NPHP1: variants seen among roughly 807,000 people sequenced by gnomAD.
NPHP1 encodes the protein nephrocystin-1.
A neutral mutation model predicts 90.4 loss-of-function variants in NPHP1; 70 were observed. The ratio of observed to expected loss-of-function variants is 0.77; its 90% CI spans 0.64 to 0.95. NPHP1 has a LOEUF of 0.95. NPHP1 is among the 40% of genes least tolerant of loss of function. NPHP1 has a pLI of 0.00. For missense variants in NPHP1, 764 were observed against 795.9 expected (o/e 0.96, Z 0.48); for synonymous variants, 256 against 271.7 (o/e 0.94, Z 0.57).
At chr2:110,172,611 C>A (rs953416312) in intron 4 of NPHP1, among the ~76,000 whole-genome samples, 2 of 151,920 alleles carry the variant, frequency 1.3e-5, no homozygotes, top group African/African-American at 4.8e-5. Context: ...TGAGACCCTG[C>A]CTCTACAAAA....
intron 2 of NPHP1, among the ~76,000 whole-genome samples, chr2:110,191,466 G>A (rs1265028891): frequency 4.6e-5 from 7 of 152,208 alleles, no homozygotes; most frequent in Non-Finnish European, 8.8e-5. Flanking sequence ...GAGGCTGTTT[G>A]TTAGCCATTG....
At chr2:110,198,092 A>C (rs1262938918) in intron 2 of NPHP1, among the ~76,000 whole-genome samples, 1 of 152,142 alleles carries the variant, frequency 6.6e-6, no homozygotes, top group East Asian at 1.9e-4. Context: ...GAAGGAAAGA[A>C]GGACAACTAG....
intron 2 of NPHP1, among the ~76,000 whole-genome samples, chr2:110,187,292 A>T (rs1684358964): frequency 6.6e-6 from 1 of 152,154 alleles, no homozygotes; most frequent in South Asian, 2.1e-4. Context: ...TAAAGAAAAG[A>T]GAGAAGAATC....
In NPHP1 at chr2:110,144,480, A is replaced by G. The variant is rs750895212; in HGVS notation, c.1429+13T>C. On this transcript the variant is annotated intron_variant, in intron 15 of 19. Transcript: ENST00000445609. ...ATCTTTAAGGAAAGGAAGACAACAC[A>G]TGAGAGCCATACCTCTTCTGGATAT... 1 of 1,551,048 alleles carries G rather than the reference A, an allele frequency of 6.4e-7. No homozygotes were observed. The highest frequency in any genetic ancestry group is 8.9e-7 in the Non-Finnish European group (1 of 1,122,514).
chr2:110,138,845 G>A (rs1680414959), intron 16 of NPHP1, among the ~76,000 whole-genome samples: 1 of 152,042 alleles, frequency 6.6e-6, no homozygotes, highest in South Asian at 2.1e-4. Flanking sequence ...TTGCCTGGCA[G>A]GCATTGGTCC....
At chr2:110,167,692 T>C (rs1288416668) in intron 6 of NPHP1, among the ~76,000 whole-genome samples, 2 of 152,146 alleles carry the variant, frequency 1.3e-5, no homozygotes, top group African/African-American at 2.4e-5. Flanking sequence ...CGTGAATGTA[T>C]AGCCAGTCAG....
intron 4 of NPHP1, among the ~76,000 whole-genome samples, chr2:110,170,467 T>G (rs1488781963): frequency 6.6e-6 from 1 of 152,164 alleles, no homozygotes; most frequent in Non-Finnish European, 1.5e-5. Context: ...TAAGATGAGT[T>G]ACTACTTGCA....
At chr2:110,163,561 T>C (rs1051647656) in intron 8 of NPHP1, 1 of 176,124 alleles carries the variant, frequency 5.7e-6, no homozygotes, top group African/African-American at 2.4e-5. Flanking sequence ...GATGTACTTA[T>C]AAGTAATAAA....
intron 2 of NPHP1, among the ~76,000 whole-genome samples, chr2:110,191,757 C>G (rs916162669): frequency 2.0e-5 from 3 of 152,290 alleles, no homozygotes; most frequent in East Asian, 1.9e-4. Flanking sequence ...AGGCACCCCC[C>G]AGTAGGGGCA....
intron 11 of NPHP1, among the ~76,000 whole-genome samples, chr2:110,155,437 C>G (rs1681819180): frequency 6.6e-6 from 1 of 152,108 alleles, no homozygotes; most frequent in South Asian, 2.1e-4. Context: ...CTTCCAGACC[C>G]CAGAACAGTA....
At chr2:110,161,577 C>A (rs762718306) in intron 10 of NPHP1, 26 bp downstream of exon 10, 4 of 1,443,854 alleles carry the variant, frequency 2.8e-6, no homozygotes, top group Non-Finnish European at 3.9e-6. Context: ...AAGAGTTACA[C>A]TTTTACTGAT....
chr2:110,160,044 G>A, intron 11 of NPHP1, 83 bp downstream of exon 11: 1 of 1,425,886 alleles, frequency 7.0e-7, no homozygotes, highest in East Asian at 2.3e-5. Flanking sequence ...TTGGGAATTG[G>A]GGAGGAGTTG....
chr2:110,192,248 A>C (rs1423482456), intron 2 of NPHP1, among the ~76,000 whole-genome samples: 1 of 152,132 alleles, frequency 6.6e-6, no homozygotes, highest in African/African-American at 2.4e-5. Flanking sequence ...AAAACAAGTT[A>C]AAAACCTTGA....
At chr2:110,162,390 G>A (rs1427893566) in intron 9 of NPHP1, among the ~76,000 whole-genome samples, 5 of 152,072 alleles carry the variant, frequency 3.3e-5, no homozygotes, top group Admixed American at 6.6e-5. Flanking sequence ...AATTTACCGC[G>A]AGACCTGAAG....
intron 2 of NPHP1, among the ~76,000 whole-genome samples, chr2:110,194,856 C>T (rs1253188355): frequency 1.1e-4 from 16 of 152,060 alleles, no homozygotes; most frequent in Admixed American, 5.9e-4. Flanking sequence ...GTTCAACATA[C>T]GCAAGTCAAT....
intron 16 of NPHP1, among the ~76,000 whole-genome samples, chr2:110,133,487 T>C (rs1679938240): frequency 6.6e-6 from 1 of 152,082 alleles, no homozygotes; most frequent in Admixed American, 6.6e-5. Flanking sequence ...CGATAAGGTA[T>C]AGAACAATGA....
chr2:110,164,942 A>G, intron 7 of NPHP1, 110 bp downstream of exon 7: 2 of 946,450 alleles, frequency 2.1e-6, no homozygotes, highest in Non-Finnish European at 3.4e-6. Flanking sequence ...AAAGCTCTCC[A>G]GGTACAAGTT....
intron 14 of NPHP1, among the ~76,000 whole-genome samples, chr2:110,146,017 G>A (rs1248315951): frequency 6.6e-6 from 1 of 152,184 alleles, no homozygotes; most frequent in Non-Finnish European, 1.5e-5. Flanking sequence ...ATTAAAGATA[G>A]GTGAAATTCA....
intron 11 of NPHP1, among the ~76,000 whole-genome samples, chr2:110,151,147 T>C (rs947390489): frequency 4.2e-5 from 5 of 119,350 alleles, no homozygotes; most frequent in African/African-American, 6.4e-5. Context: ...GCCTGAGCGA[T>C]GGAGCAAGAT....
Sources: gnomAD v4.1 joint callset for allele counts (sites outside exome capture counted in the v4.1 genomes callset) on GRCh38, gnomAD v4.1.1 for gene constraint, MANE v1.5 for transcripts, NCBI Gene and HGNC (gene_info 2026-07-23, HGNC 2026-07-21) for gene names.